CCM2: variants seen among roughly 807,000 people sequenced by gnomAD.
CCM2 encodes CCM2 scaffold protein, also known as cerebral cavernous malformations 2 protein.
In CCM2, 25 loss-of-function variants were observed where a neutral mutation model predicts 44.9. The observed-to-expected ratio is 0.56, with a 90% confidence interval of 0.41 to 0.78. The LOEUF is 0.78. Ranked by LOEUF, CCM2 falls within the 30% of genes least tolerant of loss-of-function variation. CCM2 has a pLI of 0.00. For missense variants in CCM2, 481 were observed against 580.6 expected, an observed-to-expected ratio of 0.83 and a Z score of 1.76; for synonymous variants, 219 against 241.1, an observed-to-expected ratio of 0.91 and a Z score of 0.85.
intron 1 of CCM2, chr7:45,027,048 G>T: frequency 6.4e-6 from 1 of 156,374 alleles, no homozygotes; most frequent in Non-Finnish European, 1.4e-5. Flanking sequence ...TTGGCCAGAG[G>T]CACGCTGTTT....
chr7:45,003,250 A>G (rs562613077), intron 1 of CCM2, among the ~76,000 whole-genome samples: 13 of 151,692 alleles, frequency 8.6e-5, no homozygotes, highest in Non-Finnish European at 1.5e-4. Context: ...TAATTTTTGT[A>G]TTTTTAGTAG....
At chr7:45,053,470 A>G (rs1798104979) in intron 2 of CCM2, among the ~76,000 whole-genome samples, 2 of 152,116 alleles carry the variant, frequency 1.3e-5, no homozygotes, top group African/African-American at 4.8e-5. Flanking sequence ...TTGGCTTCGT[A>G]TCTGTCCTGC....
chr7:45,062,371 G>C (rs956044536), intron 2 of CCM2, among the ~76,000 whole-genome samples: 3 of 152,168 alleles, frequency 2.0e-5, no homozygotes, highest in African/African-American at 7.2e-5. Context: ...ATGCAGGCAG[G>C]AGCACAGCAG....
intron 2 of CCM2, among the ~76,000 whole-genome samples, chr7:45,045,311 C>T (rs1333560992): frequency 6.6e-6 from 1 of 152,020 alleles, no homozygotes; most frequent in African/African-American, 2.4e-5. Flanking sequence ...GTATTGATTT[C>T]CATAAATGGG....
chr7:45,072,295 T>C (rs1053521457), intron 6 of CCM2: 16 of 341,862 alleles, frequency 4.7e-5, no homozygotes, highest in African/African-American at 2.1e-5. Context: ...GACTGTGGTT[T>C]CTGCTGTGTG....
At chr7:45,000,398 C>A in intron 1 of CCM2, 35 bp downstream of exon 1, 1 of 1,082,268 alleles carries the variant, frequency 9.2e-7, no homozygotes, top group Non-Finnish European at 1.2e-6. Flanking sequence ...CTGCTGTGGT[C>A]GGCGGGCGGC....
chr7:45,025,091 T>C (rs1859486), intron 1 of CCM2, among the ~76,000 whole-genome samples: 2 of 152,130 alleles, frequency 1.3e-5, no homozygotes, highest in African/African-American at 4.8e-5. Context: ...AAACTTCATG[T>C]AAAGGACCAG....
chr7:45,050,078 T>TAG (rs1310763733), intron 2 of CCM2, among the ~76,000 whole-genome samples: 1 of 152,240 alleles, frequency 6.6e-6, no homozygotes, highest in Admixed American at 6.5e-5. Context: ...TTCCATTGCC[T>TAG]AGTGACATAG....
At position 45,043,579 on chromosome 7, in the gene CCM2, G is replaced by C. The variant is rs80013433; in HGVS notation, c.204+5153G>C. 352 of 271,914 alleles carry C rather than the reference G, an allele frequency of 1.3e-3. 12 individuals carry two copies. In the East Asian group the frequency reaches 0.04, roughly 31 times the overall value. The allele number at this position is 271,914 out of a possible 1,614,324, so 16.8% of individuals were successfully genotyped here. On this transcript the variant is annotated intron_variant, in intron 2 of 9. Coordinates refer to ENST00000258781, the MANE Select transcript of CCM2 (RefSeq NM_031443.4). ...AGGAGGCGGAGGTTGCAGTGAGCTG[G>C]GATTGTGCCACTGCACTCCAGCCTG...
chr7:45,063,787 G>A lies in CCM2; in HGVS notation c.205-131G>A, dbSNP rs574120262. 1.3e-4 allele frequency: 96 copies of A among 724,690 alleles called. No individual in the cohort carries two copies. In the African/African-American group the frequency reaches 1.4e-3, roughly 11 times the overall value. The allele number at this position is 724,690 out of a possible 1,614,324, so 44.9% of individuals were successfully genotyped here. On this transcript the variant is annotated intron_variant, in intron 2 of 9. Coordinates refer to ENST00000258781, the MANE Select transcript of CCM2 (RefSeq NM_031443.4). ...TCTTCCTAGAGTTGGGCCTCCACGC[G>A]AGCCGGAATGGAGACCCATGGGCCT...
At chr7:45,059,229 CT>C (rs1798409893) in intron 2 of CCM2, among the ~76,000 whole-genome samples, 1 of 152,054 alleles carries the variant, frequency 6.6e-6, no homozygotes, top group Admixed American at 6.5e-5. Context: ...GGGATAAATC[CT>C]GCCTGGTCGT....
rs1238697786 is a variant in CCM2 at position 45,072,796 on chromosome 7, G to A, written c.803+13G>A. On this transcript the variant is annotated intron_variant, in intron 7 of 9. Coordinates refer to ENST00000258781, the MANE Select transcript of CCM2 (RefSeq NM_031443.4). ...AAGCCAGCACTTTGTGAGTGCACATGCCACCAAGCCCTGCGGTGGGACACG... is the reference window on the plus strand; with the variant it reads ...AAGCCAGCACTTTGTGAGTGCACATACCACCAAGCCCTGCGGTGGGACACG... The A allele has an allele frequency of 1.2e-6, 2 of 1,608,162 alleles. No individual in the cohort carries two copies. Among genetic ancestry groups the A allele is most frequent in the Non-Finnish European group, 1.7e-6 (2 of 1,176,430 alleles).
At chr7:45,047,693 T>C (rs1284387191) in intron 2 of CCM2, among the ~76,000 whole-genome samples, 1 of 152,002 alleles carries the variant, frequency 6.6e-6, no homozygotes, top group Non-Finnish European at 1.5e-5. Flanking sequence ...CAGATTAGGG[T>C]TTGCTAGGGG....
At chr7:45,058,006 G>C (rs1277811122) in intron 2 of CCM2, among the ~76,000 whole-genome samples, 6 of 152,198 alleles carry the variant, frequency 3.9e-5, no homozygotes, top group South Asian at 2.1e-4. Flanking sequence ...CCTGTTTCCT[G>C]CTCCATCCAG....
chr7:45,021,272 AT>A (rs772625000), intron 1 of CCM2, among the ~76,000 whole-genome samples: 20 of 152,170 alleles, frequency 1.3e-4, no homozygotes, highest in Non-Finnish European at 2.6e-4. Context: ...AATAAAAAAA[AT>A]AATAAATAGG....
intron 1 of CCM2, among the ~76,000 whole-genome samples, chr7:45,007,484 G>GT (rs1361199666): frequency 6.6e-6 from 1 of 152,080 alleles, no homozygotes; most frequent in South Asian, 2.1e-4. Context: ...AGGATTTTTT[G>GT]TTTGTTTGTT....
intron 1 of CCM2, among the ~76,000 whole-genome samples, chr7:45,021,666 A>G (rs1796487165): frequency 6.6e-6 from 1 of 151,776 alleles, no homozygotes; most frequent in Non-Finnish European, 1.5e-5. Context: ...CAGTTTGCAG[A>G]GTGAGTGAGA....
At chr7:45,038,487 C>T (rs1165109557) in intron 2 of CCM2, 61 bp downstream of exon 2, 2 of 1,540,924 alleles carry the variant, frequency 1.3e-6, no homozygotes, top group Non-Finnish European at 1.8e-6. Flanking sequence ...ATGCTTGTAT[C>T]CACCAGACAC....
At chr7:45,032,703 T>G (rs1331677901) in intron 1 of CCM2, among the ~76,000 whole-genome samples, 1 of 152,130 alleles carries the variant, frequency 6.6e-6, no homozygotes, top group African/African-American at 2.4e-5. Flanking sequence ...TACCAGCGTT[T>G]ATTGCTGTCC....
Sources: gnomAD v4.1 joint callset for allele counts (sites outside exome capture counted in the v4.1 genomes callset) on GRCh38, gnomAD v4.1.1 for gene constraint, MANE v1.5 for transcripts, NCBI Gene and HGNC (gene_info 2026-07-23, HGNC 2026-07-21) for gene names.